Variants in GABRR2 observed in about 807,000 individuals in gnomAD.
The protein encoded by GABRR2 is gamma-aminobutyric acid type A receptor subunit rho2.
A neutral mutation model predicts 47.0 loss-of-function variants in GABRR2; 36 were observed. The observed-to-expected ratio is 0.77, with a 90% confidence interval of 0.59 to 1.01. The LOEUF (loss-of-function observed/expected upper bound fraction) is 1.01, where lower values mean the gene tolerates loss of function less well. Among genes scored for constraint, GABRR2 ranks in the 50% least tolerant of loss-of-function variants. GABRR2 has a pLI of 0.00. For missense variants in GABRR2, 587 were observed against 594.6 expected, an observed-to-expected ratio of 0.99 and a Z score of 0.13; for synonymous variants, 204 against 227.5, an observed-to-expected ratio of 0.90 and a Z score of 0.93.
intron 8 of GABRR2, among the ~76,000 whole-genome samples, chr6:89,264,042 T>C (rs768393965): frequency 2.6e-5 from 4 of 152,148 alleles, no homozygotes; most frequent in Non-Finnish European, 1.5e-5. Context: ...TGAGAGTTTG[T>C]TTGTCTAGAT....
intron 2 of GABRR2, among the ~76,000 whole-genome samples, chr6:89,287,112 TG>T (rs1774346326): frequency 6.6e-6 from 1 of 152,134 alleles, no homozygotes; most frequent in Non-Finnish European, 1.5e-5. Flanking sequence ...TGAGCCTTGG[TG>T]GGACCAGAGG....
chr6:89,260,494 T>C (rs1016035148), intron 8 of GABRR2, among the ~76,000 whole-genome samples: 3 of 152,176 alleles, frequency 2.0e-5, no homozygotes, highest in African/African-American at 7.2e-5. Context: ...TCAGCCAAAG[T>C]ACTGGAGCAG....
At chr6:89,292,829 C>A (rs201234532) in intron 2 of GABRR2, among the ~76,000 whole-genome samples, 6 of 19,770 alleles carry the variant, frequency 3.0e-4, no homozygotes, top group East Asian at 1.2e-3. Context: ...TCGTATATAT[C>A]GTATATACGA....
At position 89,264,516 on chromosome 6, in the gene GABRR2, G is replaced by GGTA. The variant is rs1165605371; in HGVS notation, c.979_981dup (p.Tyr327dup). ...AACACGAACACAAAGCTGACCCAGA[G>GGTA]GTAGATGTCCACGGCCTTGACGTAG... is the stretch of plus-strand genomic sequence containing the variant. On this transcript the variant is annotated inframe_insertion, in exon 8 of 9. Transcript: ENST00000402938. 1 of 1,613,980 alleles carries GGTA rather than the reference G, an allele frequency of 6.2e-7. No homozygotes were observed. The highest frequency in any genetic ancestry group is 8.5e-7 in the Non-Finnish European group (1 of 1,180,016).
intron 6 of GABRR2, among the ~76,000 whole-genome samples, chr6:89,266,504 A>T (rs1193058620): frequency 6.6e-6 from 1 of 152,176 alleles, no homozygotes; most frequent in Non-Finnish European, 1.5e-5. Flanking sequence ...CAAACTCCAC[A>T]TCTGTCACAA....
chr6:89,265,779 G>A lies in GABRR2; in HGVS notation c.737-14C>T. On this transcript the variant is annotated splice_polypyrimidine_tract_variant and intron_variant, in intron 6 of 8. Transcript: ENST00000402938. Reference sequence around the variant, plus strand: ...GGTTGTACCAGCCTAGGGGATGCAGGAAGAAGCCAATGAGGTTCCATCTGA... The same window carrying A: ...GGTTGTACCAGCCTAGGGGATGCAGAAAGAAGCCAATGAGGTTCCATCTGA... 1.9e-6 allele frequency: 3 copies of A among 1,613,100 alleles called. No homozygotes were observed. Among genetic ancestry groups the A allele is most frequent in the Non-Finnish European group, 2.5e-6 (3 of 1,179,486 alleles).
At chr6:89,303,562 A>G (rs1021500428) in intron 1 of GABRR2, among the ~76,000 whole-genome samples, 1 of 151,556 alleles carries the variant, frequency 6.6e-6, no homozygotes, top group African/African-American at 2.4e-5. Context: ...TACCAGAGAT[A>G]TTCTTCACAG....
chr6:89,292,795 CGT>C (rs1774486660), intron 2 of GABRR2, among the ~76,000 whole-genome samples: 1 of 19,264 alleles, frequency 5.2e-5, no homozygotes, highest in Non-Finnish European at 7.9e-5. Context: ...TACGATATAT[CGT>C]ATATATCGTA....
At chr6:89,288,684 T>C (rs1774378847) in intron 2 of GABRR2, among the ~76,000 whole-genome samples, 1 of 152,224 alleles carries the variant, frequency 6.6e-6, no homozygotes, top group African/African-American at 2.4e-5. Flanking sequence ...AGCATCTTAC[T>C]CTGTTGCCCA....
At chr6:89,303,129 G>A (rs1767485912) in intron 1 of GABRR2, 3 of 523,592 alleles carry the variant, frequency 5.7e-6, no homozygotes, top group Admixed American at 2.4e-5. Context: ...GCTTGCAGCT[G>A]GAGTGAGGGG....
chr6:89,289,224 G>A (rs914021154), intron 2 of GABRR2, among the ~76,000 whole-genome samples: 6 of 152,192 alleles, frequency 3.9e-5, no homozygotes, highest in Non-Finnish European at 7.3e-5. Flanking sequence ...GGCCTTGCCT[G>A]GGAGGAGAGA....
chr6:89,260,934 A>G (rs1773730639), intron 8 of GABRR2, among the ~76,000 whole-genome samples: 1 of 152,224 alleles, frequency 6.6e-6, no homozygotes, highest in Non-Finnish European at 1.5e-5. Context: ...TCCAGCAACT[A>G]TGCTTCTTGG....
In GABRR2 at chr6:89,268,182, C is replaced by T. The variant is rs554264971; in HGVS notation, c.513-86G>A. The T allele has an allele frequency of 1.9e-5, 18 of 943,446 alleles. No homozygotes were observed. The East Asian group carries it at 4.4e-4, about 23-fold the overall frequency. The allele number at this position is 943,446 out of a possible 1,614,324, so 58.4% of individuals were successfully genotyped here. A position where few individuals can be genotyped will look rare whatever the true frequency, so the allele number is the denominator to read the frequency against. On this transcript the variant is annotated intron_variant, in intron 4 of 8. Transcript: ENST00000402938. The stretch of plus-strand genomic sequence containing the variant: ...CAGAGCAAGAAGGCACAGCACACAA[C>T]TGAGTAGCTGCCTCCTCACATCTGC...
rs562700085 is a variant in GABRR2 at position 89,279,791 on chromosome 6, C to T, written c.221-8069G>A. Among the ~76,000 whole-genome samples, 10 of 152,074 alleles carry T rather than the reference C, an allele frequency of 6.6e-5. No homozygotes were observed. The East Asian group carries it at 1.9e-3, about 29-fold the overall frequency. On this transcript the variant is annotated intron_variant, in intron 2 of 8. Transcript: ENST00000402938. The stretch of plus-strand genomic sequence containing the variant: ...CATAATTTCTCTTTCCCTCAGTTTC[C>T]TCATCTCTAAAATAGGTATAATAAT...
chr6:89,263,561 C>G (rs918479228), intron 8 of GABRR2, among the ~76,000 whole-genome samples: 3 of 152,180 alleles, frequency 2.0e-5, no homozygotes, highest in Non-Finnish European at 2.9e-5. Flanking sequence ...CTTGCTCTGT[C>G]GCCCAGGCTG....
intron 2 of GABRR2, among the ~76,000 whole-genome samples, chr6:89,295,610 G>A (rs1774539988): frequency 1.3e-5 from 2 of 152,110 alleles, no homozygotes; most frequent in Admixed American, 1.3e-4. Context: ...TTCTTTCGCT[G>A]TGCAGAAGCT....
chr6:89,302,913 G>A (rs1283144017), intron 1 of GABRR2: 2 of 1,174,270 alleles, frequency 1.7e-6, no homozygotes, highest in Non-Finnish European at 2.4e-6. Context: ...TCTCAGAGCA[G>A]TTCACGGACA....
At chr6:89,307,824 T>G (rs974690397) in intron 1 of GABRR2, among the ~76,000 whole-genome samples, 1 of 149,164 alleles carries the variant, frequency 6.7e-6, no homozygotes, top group Non-Finnish European at 1.5e-5. Flanking sequence ...CTTTTTTTTT[T>G]TTTTTTTTTT....
intron 1 of GABRR2, among the ~76,000 whole-genome samples, chr6:89,306,839 AAAGAAGG>A (rs1162067414): frequency 6.6e-6 from 1 of 151,776 alleles, no homozygotes; most frequent in Non-Finnish European, 1.5e-5. Flanking sequence ...AAAAAGATGG[AAAGAAGG>A]AAAAAGGAAA....
Sources: gnomAD v4.1 joint callset for allele counts (sites outside exome capture counted in the v4.1 genomes callset) on GRCh38, gnomAD v4.1.1 for gene constraint, MANE v1.5 for transcripts, NCBI Gene and HGNC (gene_info 2026-07-23, HGNC 2026-07-21) for gene names.